The following RNF144A variants were observed in gnomAD, a reference collection of about 807,000 sequenced individuals.
RNF144A encodes ring finger protein 144A, also known as E3 ubiquitin-protein ligase RNF144A.
In RNF144A, 11 loss-of-function variants were observed where a neutral mutation model predicts 38.7. The ratio of observed to expected loss-of-function variants is 0.28; its 90% CI spans 0.18 to 0.47. The LOEUF (loss-of-function observed/expected upper bound fraction) is 0.47, where lower values mean the gene tolerates loss of function less well. RNF144A is among the 20% of genes least tolerant of loss of function. RNF144A has a pLI of 0.99. For synonymous variants in RNF144A, 149 were observed against 143.9 expected (o/e 1.04, Z -0.25); for missense variants, 316 against 377.2 (o/e 0.84, Z 1.34).
intron 2 of RNF144A, among the ~76,000 whole-genome samples, chr2:6,982,361 G>A (rs940507479): frequency 3.9e-5 from 6 of 152,106 alleles, no homozygotes; most frequent in African/African-American, 7.2e-5. Flanking sequence ...GAGGGAGAGC[G>A]CCCATCACAT....
intron 2 of RNF144A, among the ~76,000 whole-genome samples, chr2:6,978,042 T>C (rs915399886): frequency 2.0e-5 from 3 of 152,022 alleles, no homozygotes; most frequent in African/African-American, 7.2e-5. Flanking sequence ...CCCATAGAAC[T>C]GCATCACAGC....
At chr2:6,949,028 G>T (rs1287844354) in intron 2 of RNF144A, among the ~76,000 whole-genome samples, 1 of 152,208 alleles carries the variant, frequency 6.6e-6, no homozygotes, top group African/African-American at 2.4e-5. Context: ...CCCTGAAAGC[G>T]TAGGCCATGC....
chr2:7,040,786 ATT>A lies in RNF144A; in HGVS notation c.*1029_*1030del. 1.0e-6 allele frequency: 1 copy of A among 985,420 alleles called. No individual in the cohort carries two copies. Among genetic ancestry groups the A allele is most frequent in the Non-Finnish European group, 1.2e-6 (1 of 829,930 alleles). The allele number at this position is 985,420 out of a possible 1,614,324, so 61.0% of individuals were successfully genotyped here. On this transcript the variant is annotated 3_prime_UTR_variant, in exon 9 of 9. Transcript: ENST00000320892. The stretch of plus-strand genomic sequence containing the variant: ...TGGGGGCTAGGGAAGAGCCTGCCAG[ATT>A]TTCACATTTTTAAAATGTTCTAGTC...
At chr2:7,067,972 G>C (rs1021906890) in intron 6 of RNF144A, among the ~76,000 whole-genome samples, 1 of 152,166 alleles carries the variant, frequency 6.6e-6, no homozygotes, top group South Asian at 2.1e-4. Context: ...TCTGTAGCCA[G>C]AATCCCTGCA....
chr2:6,991,730 ATGTC>A (rs1669392327), intron 2 of RNF144A, among the ~76,000 whole-genome samples: 1 of 152,188 alleles, frequency 6.6e-6, no homozygotes, highest in Non-Finnish European at 1.5e-5. Context: ...GGCGAACGCA[ATGTC>A]TGATGTACAT....
intron 3 of RNF144A, among the ~76,000 whole-genome samples, chr2:7,011,854 CT>C (rs1670836995): frequency 6.6e-6 from 1 of 152,204 alleles, no homozygotes; most frequent in Non-Finnish European, 1.5e-5. Flanking sequence ...GGAACGTCAT[CT>C]CTCTTTATGT....
At chr2:6,990,774 G>A (rs1246530184) in intron 2 of RNF144A, among the ~76,000 whole-genome samples, 1 of 152,094 alleles carries the variant, frequency 6.6e-6, no homozygotes, top group Non-Finnish European at 1.5e-5. Flanking sequence ...ATAATGACAT[G>A]TAATCACCAT....
At position 6,920,056 on chromosome 2, in the gene RNF144A, T is replaced by A. The variant is rs144523458; in HGVS notation, c.-212+2434T>A. On this transcript the variant is annotated intron_variant, in intron 1 of 8. Coordinates refer to ENST00000320892, the MANE Select transcript of RNF144A (RefSeq NM_014746.6). ...TTGGGACTTTGAAGGGACCTCACAC[T>A]GTTTGGCTGAAGCTGCTGAGGTTCA... is the stretch of plus-strand genomic sequence containing the variant. Among the ~76,000 whole-genome samples the A allele has an allele frequency of 4.0e-3, 609 of 152,330 alleles. 4 individuals carry two copies. The highest frequency in any genetic ancestry group is 0.014 in the African/African-American group (587 of 41,578).
intron 2 of RNF144A, among the ~76,000 whole-genome samples, chr2:6,976,261 C>A (rs972116768): frequency 6.6e-6 from 1 of 152,172 alleles, no homozygotes; most frequent in South Asian, 2.1e-4. Context: ...CAGCCTCCCC[C>A]ACAGGGTTTG....
At chr2:7,044,397 T>G (rs1426597644), downstream of RNF144A, among the ~76,000 whole-genome samples, 2 of 152,206 alleles carry the variant, frequency 1.3e-5, no homozygotes, top group Non-Finnish European at 2.9e-5. Flanking sequence ...AGGAATGTTC[T>G]CAACTCCTAG....
In RNF144A at chr2:6,962,254, C is replaced by A. The variant is rs1343950903; in HGVS notation, c.-12+21107C>A. On this transcript the variant is annotated intron_variant, in intron 2 of 8. Coordinates refer to ENST00000320892, the MANE Select transcript of RNF144A (RefSeq NM_014746.6). This position sits in a 1 kb window ranked among gnomAD's most constrained non-coding sequence, Gnocchi z 4.1. ...TAATGATTTATTATGCAGGCGGGTTCTCTGCCTGAGCTCCACCATGTTGCC... is the reference window on the plus strand; with the variant it reads ...TAATGATTTATTATGCAGGCGGGTTATCTGCCTGAGCTCCACCATGTTGCC... Among the ~76,000 whole-genome samples, 3 of 152,298 alleles carry A rather than the reference C, an allele frequency of 2.0e-5. No individual in the cohort carries two copies. In the East Asian group the frequency reaches 5.8e-4, roughly 29 times the overall value.
intron 2 of RNF144A, among the ~76,000 whole-genome samples, chr2:6,953,971 T>C (rs1480051259): frequency 2.0e-5 from 3 of 152,168 alleles, no homozygotes; most frequent in Admixed American, 1.3e-4. Flanking sequence ...ACTTTTATAA[T>C]GTATTACCTT....
chr2:6,985,059 A>C (rs1475250613), intron 2 of RNF144A, among the ~76,000 whole-genome samples: 2 of 152,252 alleles, frequency 1.3e-5, no homozygotes, highest in Non-Finnish European at 2.9e-5. Flanking sequence ...GCAAAGAGAA[A>C]ATCAAAATAA....
chr2:6,995,573 G>T (rs897342360), intron 2 of RNF144A, among the ~76,000 whole-genome samples: 2 of 152,152 alleles, frequency 1.3e-5, no homozygotes, highest in Admixed American at 6.5e-5. Context: ...TGGTCGAAGG[G>T]CCAGGAGTCC....
chr2:7,051,815 A>G (rs1673538614), intron 6 of RNF144A, among the ~76,000 whole-genome samples: 1 of 152,146 alleles, frequency 6.6e-6, no homozygotes, highest in Admixed American at 6.5e-5. Context: ...CTTGAATCCA[A>G]GAGTGTGGCT....
At chr2:7,074,695 G>T in the RNF144A span, 1 of 152,186 alleles carries the variant, frequency 6.6e-6, no homozygotes, top group Non-Finnish European at 1.5e-5. Flanking sequence ...CACTCCTAGA[G>T]TCCCCACACT....
intron 1 of RNF144A, among the ~76,000 whole-genome samples, chr2:6,923,015 G>A (rs771281): frequency 0.81 from 123,659 of 152,090 alleles, 51,583 homozygotes; most frequent in Non-Finnish European, 0.92. Context: ...TGCACCCTCC[G>A]TCGCTGACTG....
At chr2:7,052,886 C>A (rs1391685657) in intron 6 of RNF144A, among the ~76,000 whole-genome samples, 1 of 151,648 alleles carries the variant, frequency 6.6e-6, no homozygotes, top group East Asian at 1.9e-4. Flanking sequence ...AATATTTAGG[C>A]AAAGCTGGGA....
intron 3 of RNF144A, among the ~76,000 whole-genome samples, chr2:7,008,132 CA>C (rs1286618988): frequency 1.3e-5 from 2 of 152,248 alleles, no homozygotes; most frequent in African/African-American, 4.8e-5. Flanking sequence ...ACCCCCATCT[CA>C]CCCTGTCTCT....
Sources: gnomAD v4.1 joint callset for allele counts (sites outside exome capture counted in the v4.1 genomes callset) on GRCh38, gnomAD v4.1.1 for gene constraint, Gnocchi (gnomAD v3.1) non-coding constraint, MANE v1.5 for transcripts, NCBI Gene and HGNC (gene_info 2026-07-23, HGNC 2026-07-21) for gene names.